The following PERM1 variants were observed in gnomAD, a reference collection of about 807,000 sequenced individuals.
PERM1 encodes the protein PGC-1 and ERR-induced regulator in muscle protein 1.
PERM1 carries 45 observed loss-of-function variants against 44.1 expected under a neutral mutation model. That is an observed-to-expected ratio of 1.02 (90% CI 0.80 to 1.31). The LOEUF (loss-of-function observed/expected upper bound fraction) is 1.31. Ranked by LOEUF, PERM1 falls within the 50% of genes most tolerant of loss-of-function variation. PERM1 has a pLI of 0.00. For missense variants in PERM1, 1,189 were observed against 1,106.9 expected (o/e 1.07, Z -1.05); for synonymous variants, 565 against 477.1 (o/e 1.18, Z -2.40).
chr1:976,233 C>A, exon 3 of PERM1: 1 of 1,537,366 alleles, frequency 6.5e-7, no homozygotes, highest in Non-Finnish European at 8.8e-7. Flanking sequence ...GCGGAAGTAG[C>A]GGATGGCAGA....
rs1466311153 is a variant in PERM1 at position 979,281 on chromosome 1, G to T, written c.1749C>A (p.Ala583=). Residue 583 remains alanine, a synonymous_variant, in exon 1 of 3, where the codon GCC becomes GCA. Coordinates refer to ENST00000433179, the Ensembl canonical transcript of PERM1. The stretch of plus-strand genomic sequence containing the variant: ...TGGTGTCACAGAAGAAGAACTCGTA[G>T]GCCTCCGGGAGGGTCACGGCAAAGC... 7.1e-6 allele frequency: 11 copies of T among 1,549,262 alleles called. No individual in the cohort carries two copies. In the South Asian group the frequency reaches 1.1e-4, roughly 15 times the overall value.
rs762491595 is a variant in PERM1, at chr1:978,869, G to T, written c.2149+12C>A. On this transcript the variant is annotated intron_variant, in intron 1 of 2. Transcript: ENST00000433179. ...GGGATCTGGACGGGCTGTGGGATCC[G>T]AGAGCACGTACCTGCCCGTCTAAGA... The T allele has an allele frequency of 8.4e-5, 123 of 1,462,178 alleles. No homozygotes were observed. The highest frequency in any genetic ancestry group is 1.0e-4 in the Non-Finnish European group (111 of 1,103,340). 90.6% of individuals were successfully genotyped at this position (1,462,178 alleles called of 1,614,324 possible). A position where few individuals can be genotyped will look rare whatever the true frequency, so the allele number is the denominator to read the frequency against.
chr1:981,043 A>T, upstream of PERM1: 1 of 1,537,972 alleles, frequency 6.5e-7, no homozygotes, highest in African/African-American at 1.4e-5. Flanking sequence ...GAGTCAGCAG[A>T]GGCACTGGAG....
exon 1 of PERM1, chr1:979,595 G>A (rs1195006567): frequency 1.9e-6 from 3 of 1,550,010 alleles, no homozygotes; most frequent in Non-Finnish European, 2.6e-6. Flanking sequence ...CCTGCTGAGG[G>A]CTCAGACACA....
At chr1:981,098 G>C, upstream of PERM1, 2 of 1,548,594 alleles carry the variant, frequency 1.3e-6, no homozygotes, top group Non-Finnish European at 1.7e-6. Flanking sequence ...TTCAGGCCCC[G>C]GGCACCACCC....
chr1:980,065 G>A (rs771756338), exon 1 of PERM1: 58 of 1,549,618 alleles, frequency 3.7e-5, no homozygotes, highest in African/African-American at 3.4e-4. Context: ...GTCAGATTGC[G>A]GCTCGGAGGC....
chr1:980,065 G>C lies in PERM1; in HGVS notation c.965C>G (p.Pro322Arg). Residue 322 changes from proline to arginine, a missense_variant, in exon 1 of 3, where the codon CCG becomes CGG. Around this residue, in one of 3 missense-constraint regions of PERM1, gnomAD observed 900 missense variants for 760.4 expected, o/e 1.18. Transcript: ENST00000433179. ...CACAGCCATGTCCCTGTCAGATTGCGGCTCGGAGGCAGGTGTAGACACAGC... is the reference window on the plus strand; with the variant it reads ...CACAGCCATGTCCCTGTCAGATTGCCGCTCGGAGGCAGGTGTAGACACAGC... The C allele has an allele frequency of 2.6e-6, 4 of 1,549,618 alleles. 1 individual carries two copies. Among genetic ancestry groups the C allele is most frequent in the Non-Finnish European group, 3.5e-6 (4 of 1,146,770 alleles).
At chr1:978,959 C>T in exon 1 of PERM1, 1 of 1,506,134 alleles carries the variant, frequency 6.6e-7, no homozygotes, top group Non-Finnish European at 8.9e-7. Context: ...CCCTCGGAGG[C>T]CGACCGGGGA....
At chr1:979,936 G>A in exon 1 of PERM1, 1 of 1,550,364 alleles carries the variant, frequency 6.5e-7, no homozygotes, top group Non-Finnish European at 8.7e-7. Context: ...TTGCGGCTTG[G>A]AGGCAGGTAT....
chr1:981,033 G>A (rs899991484), upstream of PERM1: 126 of 1,531,942 alleles, frequency 8.2e-5, no homozygotes, highest in South Asian at 3.8e-4. Flanking sequence ...TTTCCATGTG[G>A]AGTCAGCAGA....
Position 980,212 on chromosome 1 carries a change from C to G in PERM1, c.818G>C (p.Arg273Pro), listed in dbSNP as rs143775054. The stretch of plus-strand genomic sequence containing the variant: ...GGACACTGTGTGCAGCTTGGCTCGG[C>G]GCGGGGTTCTGATTTGGTCTGTGCC... The change falls in exon 1 of 3, where the codon CGC (arginine) becomes CCC (proline). Residue 273 changes from arginine (R) to proline (P), a missense_variant. Physicochemically the swap from Arg to Pro is moderately radical, Grantham distance 103. This residue lies in a region of PERM1 where 900 missense variants were observed against 760.4 expected (regional missense o/e 1.18). Transcript: ENST00000433179. The G allele has an allele frequency of 3.2e-6, 5 of 1,550,376 alleles. No individual in the cohort carries two copies. The East Asian group carries it at 1.2e-4, about 38-fold the overall frequency.
upstream of PERM1, among the ~76,000 whole-genome samples, chr1:981,406 T>G (rs1643790387): frequency 6.6e-6 from 1 of 152,242 alleles, no homozygotes; most frequent in East Asian, 1.9e-4. Flanking sequence ...CCATCACACC[T>G]CAGCTGGGGC....
exon 1 of PERM1, chr1:979,140 C>A: frequency 6.5e-7 from 1 of 1,550,002 alleles, no homozygotes; most frequent in Non-Finnish European, 8.7e-7. Flanking sequence ...GGGACCCCCG[C>A]CGCCTCGACC....
intron 1 of PERM1, 28 bp from the exon 3 acceptor site, chr1:976,652 A>C: frequency 1.9e-6 from 3 of 1,546,908 alleles, no homozygotes; most frequent in East Asian, 4.9e-5. Flanking sequence ...CTTCAGCCCC[A>C]CGGCTGCACT....
exon 1 of PERM1, chr1:979,740 A>G: frequency 2.6e-6 from 4 of 1,550,316 alleles, no homozygotes; most frequent in Non-Finnish European, 3.5e-6. Flanking sequence ...CCTCCGAGAC[A>G]GGTGGAGATG....
At chr1:979,977 C>T (rs1377652682) in exon 1 of PERM1, 9 of 1,548,812 alleles carry the variant, frequency 5.8e-6, no homozygotes, top group South Asian at 4.8e-5. Flanking sequence ...CAGGTTGCGG[C>T]TCAGAGGCAG....
At chr1:975,811 G>A (rs1478944147) in exon 3 of PERM1, 1 of 230,900 alleles carries the variant, frequency 4.3e-6, no homozygotes, top group Non-Finnish European at 8.6e-6. Flanking sequence ...GCAGGGTGCG[G>A]TTGCATTTGA....
exon 1 of PERM1, chr1:979,061 G>A (rs1643705946): frequency 1.9e-6 from 3 of 1,547,280 alleles, no homozygotes; most frequent in Non-Finnish European, 2.6e-6. Context: ...TAGACCTCAG[G>A]GATGGAGATG....
exon 3 of PERM1, chr1:975,968 A>T: frequency 1.8e-6 from 1 of 567,062 alleles, no homozygotes; most frequent in Non-Finnish European, 3.0e-6. Flanking sequence ...AGACTTTAGC[A>T]CCTCCCTCCC....
Sources: gnomAD v4.1 joint callset for allele counts (sites outside exome capture counted in the v4.1 genomes callset) on GRCh38, gnomAD v4.1.1 for gene constraint, gnomAD v4.1.1 regional missense constraint, MANE v1.5 for transcripts, NCBI Gene and HGNC (gene_info 2026-07-23, HGNC 2026-07-21) for gene names.